LIN54: variants seen among roughly 807,000 people sequenced by gnomAD.
LIN54 encodes protein lin-54 homolog.
In LIN54, 9 loss-of-function variants were observed where a neutral mutation model predicts 78.7. The observed-to-expected ratio is 0.11, with a 90% confidence interval of 0.07 to 0.20. LIN54 has a LOEUF of 0.20. Among genes scored for constraint, LIN54 ranks in the 10% least tolerant of loss-of-function variants. The pLI is 1.00. For synonymous variants in LIN54, 269 were observed against 318.4 expected (o/e 0.84, Z 1.65); for missense variants, 573 against 889.9 (o/e 0.64, Z 4.53).
intron 5 of LIN54, 93 bp downstream of exon 5, chr4:82,946,165 C>T: frequency 1.2e-5 from 13 of 1,085,960 alleles, no homozygotes; most frequent in Non-Finnish European, 1.8e-5. Flanking sequence ...AGTTGAAATG[C>T]CACTCTTCAT....
intron 4 of LIN54, among the ~76,000 whole-genome samples, chr4:82,950,214 G>A (rs571579839): frequency 1.3e-5 from 2 of 152,200 alleles, no homozygotes; most frequent in African/African-American, 4.8e-5. Flanking sequence ...TGACGTGTTA[G>A]TCCATGTAAT....
intron 1 of LIN54, among the ~76,000 whole-genome samples, chr4:83,006,472 A>G (rs953425666): frequency 1.3e-5 from 2 of 151,932 alleles, no homozygotes; most frequent in Non-Finnish European, 2.9e-5. Context: ...AAGAAAAAAA[A>G]AAAGAAAAAC....
chr4:83,008,598 G>A (rs1729602564), intron 1 of LIN54, among the ~76,000 whole-genome samples: 1 of 152,186 alleles, frequency 6.6e-6, no homozygotes, highest in Admixed American at 6.5e-5. Context: ...CTTGCAGGGA[G>A]CCAAGATCGC....
At chr4:83,006,753 T>G (rs924761291) in intron 1 of LIN54, among the ~76,000 whole-genome samples, 5 of 152,356 alleles carry the variant, frequency 3.3e-5, no homozygotes, top group African/African-American at 1.2e-4. Flanking sequence ...TGAGCTTCCT[T>G]AACTTTGTAA....
intron 9 of LIN54, among the ~76,000 whole-genome samples, chr4:82,936,679 TA>T (rs5859842): frequency 0.98 from 149,117 of 152,230 alleles, 73,115 homozygotes; most frequent in East Asian, 1. Context: ...GTCACACATA[TA>T]AATTTTATGT....
chr4:82,936,718 C>A (rs1274635131), intron 9 of LIN54, among the ~76,000 whole-genome samples: 1 of 152,028 alleles, frequency 6.6e-6, no homozygotes, highest in African/African-American at 2.4e-5. Context: ...TTTCAAAATT[C>A]TGAAAAAGGA....
intron 4 of LIN54, among the ~76,000 whole-genome samples, chr4:82,957,391 T>G (rs2126057495): frequency 6.8e-6 from 1 of 148,038 alleles, no homozygotes; most frequent in East Asian, 2.0e-4. Flanking sequence ...TTTACTTTCA[T>G]GTTTTTATTA....
In LIN54 at chr4:82,926,572, C is replaced by G. The variant is rs1721485240; in HGVS notation, c.*1530G>C. On this transcript the variant is annotated 3_prime_UTR_variant, in exon 13 of 13. Transcript: ENST00000340417. ...AATTACTGATGATTAAGGTACCTAA[C>G]AAAATGCCTGAATTCCAACATGGTT... is the stretch of plus-strand genomic sequence containing the variant. 1 of 152,204 alleles carries G rather than the reference C, an allele frequency of 6.6e-6. No homozygotes were observed. Among genetic ancestry groups the G allele is most frequent in the Non-Finnish European group, 1.5e-5 (1 of 68,018 alleles). 9.4% of individuals were successfully genotyped at this position (152,204 alleles called of 1,614,324 possible).
chr4:82,932,109 T>C (rs939525449), intron 11 of LIN54, among the ~76,000 whole-genome samples: 16 of 149,568 alleles, frequency 1.1e-4, no homozygotes, highest in Admixed American at 2.7e-4. Flanking sequence ...TTTTTTTTTT[T>C]TTTGAGATGG....
intron 2 of LIN54, among the ~76,000 whole-genome samples, chr4:82,981,281 T>C (rs1428172718): frequency 6.6e-6 from 1 of 152,344 alleles, no homozygotes; most frequent in Non-Finnish European, 1.5e-5. Context: ...ACTACTCTTA[T>C]ATACTATGCA....
intron 1 of LIN54, among the ~76,000 whole-genome samples, chr4:83,000,967 G>A (rs943207522): frequency 6.6e-6 from 1 of 151,618 alleles, no homozygotes; most frequent in Non-Finnish European, 1.5e-5. Context: ...AAAGGCACGC[G>A]CCACCACGCC....
intron 1 of LIN54, among the ~76,000 whole-genome samples, chr4:83,000,827 C>CTTTTTTCTTTTTT (rs1728695322): frequency 4.1e-5 from 5 of 120,540 alleles, no homozygotes; most frequent in Non-Finnish European, 6.5e-5. Context: ...GCAATAAATT[C>CTTTTTTCTTTTTT]TTTTTTTTTT....
At chr4:83,009,888 C>T (rs1044963910) in intron 1 of LIN54, among the ~76,000 whole-genome samples, 1 of 152,014 alleles carries the variant, frequency 6.6e-6, no homozygotes, top group African/African-American at 2.4e-5. Flanking sequence ...ACTAGGTTGG[C>T]GGGGGCAGGA....
At chr4:82,988,345 T>C (rs1290141127) in intron 1 of LIN54, among the ~76,000 whole-genome samples, 43 of 152,230 alleles carry the variant, frequency 2.8e-4, no homozygotes, top group Non-Finnish European at 1.5e-4. Context: ...TCGTTTTACT[T>C]ATTAGTAGTT....
At chr4:82,976,880 C>A (rs1377966476) in intron 3 of LIN54, among the ~76,000 whole-genome samples, 3 of 152,050 alleles carry the variant, frequency 2.0e-5, no homozygotes, top group African/African-American at 7.3e-5. Flanking sequence ...TAGAAATTAT[C>A]CCTCCAAACT....
intron 7 of LIN54, among the ~76,000 whole-genome samples, chr4:82,939,320 C>T (rs1722645497): frequency 6.6e-6 from 1 of 152,140 alleles, no homozygotes; most frequent in Non-Finnish European, 1.5e-5. Flanking sequence ...GCTCTCAGCT[C>T]CAAATTGTCT....
At chr4:82,999,840 A>G (rs1275957552) in intron 1 of LIN54, among the ~76,000 whole-genome samples, 1 of 150,180 alleles carries the variant, frequency 6.7e-6, no homozygotes, top group East Asian at 2.0e-4. Context: ...AAGAATTCCC[A>G]GGTGCCATTA....
At chr4:82,990,467 G>A (rs1475941307) in intron 1 of LIN54, among the ~76,000 whole-genome samples, 5 of 151,892 alleles carry the variant, frequency 3.3e-5, no homozygotes, top group Non-Finnish European at 7.4e-5. Flanking sequence ...TAGGAACCCT[G>A]AGCTTAGGTA....
At chr4:82,975,598 G>A (rs1323690622) in intron 3 of LIN54, among the ~76,000 whole-genome samples, 1 of 151,770 alleles carries the variant, frequency 6.6e-6, no homozygotes, top group Non-Finnish European at 1.5e-5. Flanking sequence ...TGTAATCCCA[G>A]CTATTCAGGA....
Sources: allele counts gnomAD v4.1 joint callset (sites outside exome capture counted in the v4.1 genomes callset), GRCh38; gene constraint gnomAD v4.1.1; transcripts MANE v1.5; gene names NCBI Gene and HGNC (gene_info 2026-07-23, HGNC 2026-07-21).